VWA3B: variants seen among roughly 807,000 people sequenced by gnomAD.
VWA3B encodes von Willebrand factor A domain-containing protein 3B.
VWA3B carries 138 observed loss-of-function variants against 158.3 expected under a neutral mutation model. The observed-to-expected ratio is 0.87, with a 90% CI of 0.76 to 1.00. The LOEUF (loss-of-function observed/expected upper bound fraction) is 1.00. Ranked by LOEUF, VWA3B falls within the 50% of genes least tolerant of loss-of-function variation. The pLI is 0.00. For missense variants in VWA3B, 1,555 were observed against 1,565.1 expected (o/e 0.99, Z 0.11); for synonymous variants, 596 against 587.3 (o/e 1.01, Z -0.21).
chr2:98,324,805 A>G, the VWA3B span, among the ~76,000 whole-genome samples: 13 of 152,224 alleles, frequency 8.5e-5, no homozygotes, highest in Non-Finnish European at 1.6e-4. Flanking sequence ...CATGGCAGCT[A>G]TAATAACTAT....
At chr2:98,151,003 TG>T (rs932389612) in intron 7 of VWA3B, among the ~76,000 whole-genome samples, 4 of 152,366 alleles carry the variant, frequency 2.6e-5, no homozygotes, top group Non-Finnish European at 4.4e-5. Context: ...TTGTACCTGT[TG>T]GTTTACAGTT....
chr2:98,192,824 C>G (rs1444301067), intron 10 of VWA3B, 74 bp from the exon 11 acceptor site: 2 of 1,599,236 alleles, frequency 1.3e-6, no homozygotes, highest in Non-Finnish European at 1.7e-6. Flanking sequence ...GCAGATGCAT[C>G]GTTAAGTTCT....
intron 2 of VWA3B, among the ~76,000 whole-genome samples, chr2:98,097,454 G>C (rs1293452840): frequency 2.0e-5 from 3 of 152,142 alleles, no homozygotes; most frequent in Non-Finnish European, 2.9e-5. Flanking sequence ...TTATGCCTGA[G>C]TAATATTCCA....
chr2:98,202,751 T>G (rs1309567059), intron 12 of VWA3B, among the ~76,000 whole-genome samples: 2 of 152,186 alleles, frequency 1.3e-5, no homozygotes, highest in African/African-American at 4.8e-5. Flanking sequence ...GTTTTATAAT[T>G]TTGTTTGACA....
At chr2:98,296,414 T>C (rs1329288724) in intron 23 of VWA3B, among the ~76,000 whole-genome samples, 1 of 149,222 alleles carries the variant, frequency 6.7e-6, no homozygotes, top group Non-Finnish European at 1.5e-5. Flanking sequence ...ATGGTAGAAA[T>C]GTGTGAATAA....
intron 14 of VWA3B, among the ~76,000 whole-genome samples, chr2:98,222,724 G>C (rs1684613640): frequency 1.3e-5 from 2 of 152,130 alleles, no homozygotes; most frequent in African/African-American, 4.8e-5. Context: ...GGACCAGTGG[G>C]GTCCAGAATG....
intron 26 of VWA3B, among the ~76,000 whole-genome samples, chr2:98,310,623 G>A (rs1690826146): frequency 6.6e-6 from 1 of 152,142 alleles, no homozygotes; most frequent in South Asian, 2.1e-4. Flanking sequence ...GATAGTTGAG[G>A]GTAACCTGAT....
At chr2:98,284,287 C>T (rs17428262) in intron 22 of VWA3B, among the ~76,000 whole-genome samples, 5,934 of 152,242 alleles carry the variant, frequency 0.039, 169 homozygotes, top group Middle Eastern at 0.075. Flanking sequence ...GTTTTCATCT[C>T]TGAGGTTATA....
intron 9 of VWA3B, among the ~76,000 whole-genome samples, chr2:98,187,451 G>A (rs888493878): frequency 6.6e-6 from 1 of 152,138 alleles, no homozygotes; most frequent in African/African-American, 2.4e-5. Flanking sequence ...TAGATGTGCA[G>A]TGGGGTTCTT....
At chr2:98,316,279 G>A (rs1377144564), downstream of VWA3B, among the ~76,000 whole-genome samples, 3 of 152,182 alleles carry the variant, frequency 2.0e-5, no homozygotes, top group East Asian at 5.8e-4. Flanking sequence ...AACATGCCTT[G>A]AGCATTGATT....
At chr2:98,129,182 G>T (rs1332368002) in intron 6 of VWA3B, among the ~76,000 whole-genome samples, 1 of 151,388 alleles carries the variant, frequency 6.6e-6, no homozygotes, top group African/African-American at 2.4e-5. Flanking sequence ...TCACACGGTG[G>T]AGAGAGAGAG....
chr2:98,145,836 C>T (rs1677134129), intron 7 of VWA3B, among the ~76,000 whole-genome samples: 2 of 152,034 alleles, frequency 1.3e-5, no homozygotes, highest in Non-Finnish European at 2.9e-5. Context: ...CTTCCTGCCT[C>T]AGCCTTCTAA....
chr2:98,112,494 T>C (rs1416445489), intron 2 of VWA3B, among the ~76,000 whole-genome samples: 2 of 152,104 alleles, frequency 1.3e-5, no homozygotes, highest in Non-Finnish European at 2.9e-5. Context: ...CACCTTTTCA[T>C]CAGAGAAATC....
At position 98,104,092 on chromosome 2, in the gene VWA3B, A is replaced by G. The variant is rs548976484; in HGVS notation, c.196+10804A>G. Among the ~76,000 whole-genome samples the G allele has an allele frequency of 7.2e-5, 11 of 152,312 alleles. No individual in the cohort carries two copies. The East Asian group carries it at 1.7e-3, about 24-fold the overall frequency. ...CTTTAATGATAAATATCTATAGTCT[A>G]TATATTAAAGAGGGCTTCTCATGGA... On this transcript the variant is annotated intron_variant, in intron 2 of 27. Transcript: ENST00000477737.
chr2:98,314,144 A>G (rs1388409812), downstream of VWA3B, among the ~76,000 whole-genome samples: 2 of 152,166 alleles, frequency 1.3e-5, no homozygotes, highest in Non-Finnish European at 2.9e-5. Context: ...GGGAGGGGGA[A>G]CCCAAACACA....
At chr2:98,249,916 G>T (rs572279909) in intron 19 of VWA3B, among the ~76,000 whole-genome samples, 1 of 152,204 alleles carries the variant, frequency 6.6e-6, no homozygotes, top group South Asian at 2.1e-4. Context: ...TATGAAAAAG[G>T]TGTTTAACTC....
At chr2:98,150,461 G>A (rs1677530569) in intron 7 of VWA3B, among the ~76,000 whole-genome samples, 1 of 152,230 alleles carries the variant, frequency 6.6e-6, no homozygotes, top group Non-Finnish European at 1.5e-5. Context: ...GAAGGCAGAG[G>A]ACAGGAAGCA....
chr2:98,155,181 G>A (rs1311541531), intron 7 of VWA3B, among the ~76,000 whole-genome samples: 1 of 152,214 alleles, frequency 6.6e-6, no homozygotes, highest in African/African-American at 2.4e-5. Context: ...GCCAGCAGGT[G>A]TGTCACTGCT....
intron 24 of VWA3B, 131 bp from the exon 25 acceptor site, chr2:98,299,948 G>C (rs999901536): frequency 2.4e-6 from 3 of 1,256,920 alleles, no homozygotes; most frequent in Non-Finnish European, 3.4e-6. Context: ...TCTTAACTGA[G>C]AAAAAAAATA....
Sources: gnomAD v4.1 joint callset for allele counts (sites outside exome capture counted in the v4.1 genomes callset) on GRCh38, gnomAD v4.1.1 for gene constraint, MANE v1.5 for transcripts, NCBI Gene and HGNC (gene_info 2026-07-23, HGNC 2026-07-21) for gene names.